The following CCDC175 variants were observed in gnomAD, a reference collection of about 807,000 sequenced individuals.
CCDC175 encodes coiled-coil domain containing 175, also known as coiled-coil domain-containing protein 175.
CCDC175 carries 100 observed loss-of-function variants against 114.6 expected under a neutral mutation model. The observed-to-expected ratio is 0.87, with a 90% CI of 0.74 to 1.03. CCDC175 has a LOEUF of 1.03. Among genes scored for constraint, CCDC175 ranks in the 50% least tolerant of loss-of-function variants. The pLI is 0.00. For missense variants in CCDC175, 880 were observed against 917.8 expected (o/e 0.96, Z 0.53); for synonymous variants, 306 against 308.7 (o/e 0.99, Z 0.09).
At chr14:59,512,461 T>C (rs987537667) in intron 17 of CCDC175, among the ~76,000 whole-genome samples, 1 of 152,208 alleles carries the variant, frequency 6.6e-6, no homozygotes, top group African/African-American at 2.4e-5. Context: ...CACACGTTGT[T>C]GGGGAAATTA....
In CCDC175 at chr14:59,512,985, G is replaced by C. The variant is rs183557662; in HGVS notation, c.2099-1182C>G. 4.5e-3 allele frequency among the ~76,000 whole-genome samples: 685 copies of C among 152,270 alleles called. 3 individuals carry two copies. The highest frequency in any genetic ancestry group is 0.016 in the African/African-American group (656 of 41,540). The stretch of plus-strand genomic sequence containing the variant: ...ATGTGAAGCTATAGTAATTAAGACA[G>C]TGTGATATTGGTATAAAGTTAGGCA... On this transcript the variant is annotated intron_variant, in intron 17 of 19. Coordinates refer to ENST00000537690, the MANE Select transcript of CCDC175 (RefSeq NM_001164399.2).
chr14:59,531,584 G>C (rs564038659), intron 14 of CCDC175, among the ~76,000 whole-genome samples, 188 bp downstream of exon 14: 1 of 152,128 alleles, frequency 6.6e-6, no homozygotes, highest in African/African-American at 2.4e-5. Flanking sequence ...CAATAGCAAT[G>C]GTAAGATGGT....
chr14:59,522,417 C>T (rs1012027332), intron 16 of CCDC175, among the ~76,000 whole-genome samples: 41 of 152,106 alleles, frequency 2.7e-4, no homozygotes, highest in African/African-American at 9.7e-4. Context: ...GATGTTGTGT[C>T]AGCCTTTTCA....
chr14:59,562,358 A>C (rs546884107), intron 6 of CCDC175, among the ~76,000 whole-genome samples: 15 of 152,348 alleles, frequency 9.8e-5, no homozygotes, highest in African/African-American at 3.6e-4. Flanking sequence ...TAGCCAAAAT[A>C]CTGTTTTCAA....
intron 8 of CCDC175, among the ~76,000 whole-genome samples, chr14:59,548,478 C>A (rs1862082117): frequency 6.6e-6 from 1 of 152,080 alleles, no homozygotes; most frequent in African/African-American, 2.4e-5. Flanking sequence ...TCACTTATAA[C>A]CATGGAATTT....
chr14:59,551,493 G>A (rs1221330987), intron 7 of CCDC175, 57 bp from the exon 8 acceptor site: 4 of 876,554 alleles, frequency 4.6e-6, no homozygotes, highest in Non-Finnish European at 6.7e-6. Context: ...GAATTCTAAG[G>A]CAAGGTGGCC....
At position 59,521,586 on chromosome 14, in the gene CCDC175, T is replaced by G; in HGVS notation, c.2086A>C (p.Ile696Leu). The G allele has an allele frequency of 6.5e-7, 1 of 1,528,356 alleles. No individual in the cohort carries two copies. Among genetic ancestry groups the G allele is most frequent in the Non-Finnish European group, 8.8e-7 (1 of 1,138,748 alleles). 94.7% of individuals were successfully genotyped at this position (1,528,356 alleles called of 1,614,324 possible). A position where few individuals can be genotyped will look rare whatever the true frequency, so the allele number is the denominator to read the frequency against. ...ACACATTACTTACCCTCCTGAGCTATTAGTTGCCGAGACAAGTCGCTTGAG... is the reference window on the plus strand; with the variant it reads ...ACACATTACTTACCCTCCTGAGCTAGTAGTTGCCGAGACAAGTCGCTTGAG... ...HTSSDLSRQL[I>L]AQEAQYKDLW... is the part of the protein sequence containing the mutation. The change falls in exon 17 of 20, where the codon ATA (isoleucine) becomes CTA (leucine). Residue 696 changes from isoleucine to leucine, a missense_variant. Ile to Leu is a conservative substitution (Grantham distance 5). Coordinates refer to ENST00000537690, the MANE Select transcript of CCDC175 (RefSeq NM_001164399.2).
At chr14:59,557,822 A>G (rs1038870721) in intron 7 of CCDC175, among the ~76,000 whole-genome samples, 3 of 152,138 alleles carry the variant, frequency 2.0e-5, no homozygotes, top group African/African-American at 7.2e-5. Flanking sequence ...TTGAACACAT[A>G]CGCTGCCAGA....
At chr14:59,543,946 T>C (rs530096359) in intron 9 of CCDC175, among the ~76,000 whole-genome samples, 21 of 152,342 alleles carry the variant, frequency 1.4e-4, no homozygotes, top group East Asian at 3.9e-4. Context: ...AATTCTGTCA[T>C]GTTCTTCCAT....
In CCDC175 at chr14:59,511,804, CT is replaced by C; in HGVS notation, c.2099-2del. 1 of 1,530,816 alleles carries C rather than the reference CT, an allele frequency of 6.5e-7. No individual in the cohort carries two copies. The highest frequency in any genetic ancestry group is 1.4e-5 in the African/African-American group (1 of 73,030). The allele number at this position is 1,530,816 out of a possible 1,614,324, so 94.8% of individuals were successfully genotyped here. Reference sequence around the variant, plus strand: ...TCAGCCCACAAATCCTTATATTGTGCTAAAATAAAGATTTAAAAAATACAAT... The same window carrying C: ...TCAGCCCACAAATCCTTATATTGTGCAAAATAAAGATTTAAAAAATACAAT... On this transcript the variant is annotated splice_acceptor_variant, in intron 17 of 19. Coordinates refer to ENST00000537690, the MANE Select transcript of CCDC175 (RefSeq NM_001164399.2). LOFTEE classifies it high-confidence loss of function.
intron 14 of CCDC175, among the ~76,000 whole-genome samples, chr14:59,527,962 C>A (rs1318425994): frequency 2.6e-5 from 4 of 151,878 alleles, no homozygotes; most frequent in Admixed American, 6.6e-5. Context: ...TTATGTCGGA[C>A]CTCCTGTTTC....
intron 19 of CCDC175, among the ~76,000 whole-genome samples, chr14:59,507,505 G>C (rs759712559): frequency 4.6e-5 from 7 of 152,162 alleles, no homozygotes; most frequent in Non-Finnish European, 7.3e-5. Flanking sequence ...GGACCTGCAG[G>C]GCTGCAGTGA....
chr14:59,509,668 C>T (rs1892641350), intron 19 of CCDC175, among the ~76,000 whole-genome samples: 2 of 152,046 alleles, frequency 1.3e-5, no homozygotes, highest in Admixed American at 1.3e-4. Flanking sequence ...CTACCATACC[C>T]TGCTAACTTT....
chr14:59,529,398 A>G (rs1313426684), intron 14 of CCDC175, among the ~76,000 whole-genome samples: 1 of 152,148 alleles, frequency 6.6e-6, no homozygotes, highest in Admixed American at 6.5e-5. Context: ...CACTCAGCTA[A>G]CTGCACAAGA....
In CCDC175 at chr14:59,511,548, TAA is replaced by T. The variant is rs34490884; in HGVS notation, c.2142+210_2142+211del. On this transcript the variant is annotated intron_variant, in intron 18 of 19. Transcript: ENST00000537690. Reference sequence around the variant, plus strand: ...ATTAAGATTTCATAGTGATATTTGGTAAAAAAAAAAAAAAAAAAAGACACATT... The same window carrying T: ...ATTAAGATTTCATAGTGATATTTGGTAAAAAAAAAAAAAAAAAGACACATT... Among the ~76,000 whole-genome samples the T allele has an allele frequency of 4.8e-3, 453 of 94,650 alleles. 7 individuals carry two copies. Among genetic ancestry groups the T allele is most frequent in the African/African-American group, 0.018 (431 of 24,362 alleles). 62.1% of individuals were successfully genotyped at this position (94,650 alleles called of 152,430 possible).
intron 17 of CCDC175, among the ~76,000 whole-genome samples, chr14:59,517,370 A>G (rs183580489): frequency 1.3e-5 from 2 of 152,350 alleles, no homozygotes; most frequent in East Asian, 3.9e-4. Context: ...GCAAAAGAGG[A>G]AATCCAATTG....
chr14:59,533,867 T>C (rs1253557299), intron 13 of CCDC175, among the ~76,000 whole-genome samples: 1 of 151,684 alleles, frequency 6.6e-6, no homozygotes, highest in Non-Finnish European at 1.5e-5. Context: ...CATGCACCTG[T>C]AGTCCCAGCT....
In CCDC175 at chr14:59,574,986, GCTT is replaced by G; in HGVS notation, c.197_199del (p.Glu66del). The G allele has an allele frequency of 6.6e-7, 1 of 1,518,118 alleles. No homozygotes were observed. Among genetic ancestry groups the G allele is most frequent in the Non-Finnish European group, 8.8e-7 (1 of 1,134,288 alleles). The allele number at this position is 1,518,118 out of a possible 1,614,324, so 94.0% of individuals were successfully genotyped here. A position where few individuals can be genotyped will look rare whatever the true frequency, so the allele number is the denominator to read the frequency against. ...AGCAATGTCCTTAAGAAAGATCTTA[GCTT>G]CTTCATTACATTTAAAATAGTCACT... On this transcript the variant is annotated inframe_deletion, in exon 2 of 20. Coordinates refer to ENST00000537690, the MANE Select transcript of CCDC175 (RefSeq NM_001164399.2).
intron 9 of CCDC175, among the ~76,000 whole-genome samples, chr14:59,544,150 G>C: frequency 6.6e-6 from 1 of 151,946 alleles, no homozygotes; most frequent in Non-Finnish European, 1.5e-5. Context: ...TCAGCGTGTG[G>C]ATTGATAAGG....
Sources: allele counts gnomAD v4.1 joint callset (sites outside exome capture counted in the v4.1 genomes callset), GRCh38; gene constraint gnomAD v4.1.1; transcripts MANE v1.5; gene names NCBI Gene and HGNC (gene_info 2026-07-23, HGNC 2026-07-21).